Variants in HIP1 observed in about 807,000 individuals in gnomAD.
HIP1 encodes huntingtin interacting protein 1.
In HIP1, 65 loss-of-function variants were observed where a neutral mutation model predicts 147.6. The ratio of observed to expected loss-of-function variants is 0.44; its 90% CI spans 0.36 to 0.54. HIP1 has a LOEUF of 0.54. HIP1 is among the 20% of genes least tolerant of loss of function. HIP1 has a pLI of 0.00. For synonymous variants in HIP1, 479 were observed against 504.0 expected, an observed-to-expected ratio of 0.95 and a Z score of 0.67; for missense variants, 1,061 against 1,299.6, an observed-to-expected ratio of 0.82 and a Z score of 2.82.
At position 75,717,676 on chromosome 7, in the gene HIP1, CA is replaced by C. The variant is rs55982331; in HGVS notation, c.120+21124del. Among the ~76,000 whole-genome samples the C allele has an allele frequency of 8.3e-4, 98 of 117,548 alleles. 1 individual carries two copies. The highest frequency in any genetic ancestry group is 4.5e-3 in the Middle Eastern group (1 of 222). The allele number at this position is 117,548 out of a possible 152,430, so 77.1% of individuals were successfully genotyped here. The stretch of plus-strand genomic sequence containing the variant: ...GTGAAACCTGTCTCTACTAAAAATA[CA>C]AAAAAAAAAAAGACCAGGCGCGGTG... On this transcript the variant is annotated intron_variant, in intron 1 of 30. Transcript: ENST00000336926.
At position 75,568,680 on chromosome 7, in the gene HIP1, C is replaced by A. The variant is rs1294337777; in HGVS notation, c.746-424G>T. The stretch of plus-strand genomic sequence containing the variant: ...ATTAGTCTGGAAGAGATCCGCAGAA[C>A]CTGCCCAAGAGGATGGCTGTCAGAA... On this transcript the variant is annotated intron_variant, in intron 8 of 30. Transcript: ENST00000336926. This position sits in a 1 kb window ranked among gnomAD's most constrained non-coding sequence, Gnocchi z 4.1. Among the ~76,000 whole-genome samples, 1 of 152,162 alleles carries A rather than the reference C, an allele frequency of 6.6e-6. No individual in the cohort carries two copies. Among genetic ancestry groups the A allele is most frequent in the Non-Finnish European group, 1.5e-5 (1 of 68,030 alleles).
chr7:75,662,015 A>G (rs1554513692), intron 1 of HIP1, among the ~76,000 whole-genome samples: 1 of 139,802 alleles, frequency 7.2e-6, no homozygotes, highest in African/African-American at 2.6e-5. Flanking sequence ...ATGAGTGGAC[A>G]GGGTCTCTGA....
chr7:75,664,655 C>G (rs1799502127), intron 1 of HIP1, among the ~76,000 whole-genome samples: 1 of 151,492 alleles, frequency 6.6e-6, no homozygotes, highest in Admixed American at 6.6e-5. Flanking sequence ...CTCCATTGCT[C>G]CATTGCCCAG....
intron 1 of HIP1, among the ~76,000 whole-genome samples, chr7:75,726,794 C>T (rs1358933648): frequency 1.3e-5 from 2 of 150,420 alleles, no homozygotes; most frequent in East Asian, 2.0e-4. Flanking sequence ...CTGCAACCTC[C>T]GCCTCCCAAA....
chr7:75,732,131 G>A (rs1337448452), intron 1 of HIP1, among the ~76,000 whole-genome samples: 2 of 151,948 alleles, frequency 1.3e-5, no homozygotes, highest in South Asian at 2.1e-4. Context: ...CTGGCTTCTC[G>A]GTTCACTCGC....
intron 1 of HIP1, among the ~76,000 whole-genome samples, chr7:75,607,123 C>T (rs1797251636): frequency 6.6e-6 from 1 of 150,820 alleles, no homozygotes. Context: ...AATCCCAGTA[C>T]TTTGGGAGGC....
intron 1 of HIP1, among the ~76,000 whole-genome samples, chr7:75,686,335 A>AT (rs1262891602): frequency 1.3e-5 from 2 of 151,862 alleles, no homozygotes; most frequent in Non-Finnish European, 2.9e-5. Context: ...ATTCTCTCGT[A>AT]TTTTTTTTGA....
At chr7:75,645,133 A>G (rs1398800124) in intron 1 of HIP1, among the ~76,000 whole-genome samples, 3 of 152,182 alleles carry the variant, frequency 2.0e-5, no homozygotes, top group Admixed American at 6.6e-5. Flanking sequence ...ATAATAACAG[A>G]TAACATTGAT....
chr7:75,655,742 C>T (rs966384264), intron 1 of HIP1, among the ~76,000 whole-genome samples: 4 of 151,952 alleles, frequency 2.6e-5, no homozygotes, highest in African/African-American at 2.4e-5. Flanking sequence ...AGTTTCTGTT[C>T]GGGGTGATGA....
chr7:75,692,426 AT>A (rs71082339), intron 1 of HIP1, among the ~76,000 whole-genome samples: 34 of 145,760 alleles, frequency 2.3e-4, no homozygotes, highest in East Asian at 4.0e-4. Context: ...TACCTGGCTA[AT>A]TTTTTTTTTT....
At chr7:75,554,766 C>A (rs1343023827) in intron 19 of HIP1, among the ~76,000 whole-genome samples, 1 of 152,124 alleles carries the variant, frequency 6.6e-6, no homozygotes, top group Non-Finnish European at 1.5e-5. Flanking sequence ...GCTATCACAC[C>A]TGGGGGCTTT....
intron 1 of HIP1, among the ~76,000 whole-genome samples, chr7:75,618,821 A>G (rs999319066): frequency 2.6e-5 from 4 of 151,956 alleles, no homozygotes; most frequent in Admixed American, 6.6e-5. Context: ...CCAGCACTAG[A>G]AAACCTGATG....
chr7:75,646,421 C>T (rs1166475332), intron 1 of HIP1, among the ~76,000 whole-genome samples: 1 of 152,244 alleles, frequency 6.6e-6, no homozygotes, highest in African/African-American at 2.4e-5. Context: ...CTGTGCAGTG[C>T]TTTGCTGACC....
chr7:75,682,842 G>A (rs1289177422), intron 1 of HIP1, among the ~76,000 whole-genome samples: 3 of 152,142 alleles, frequency 2.0e-5, no homozygotes, highest in East Asian at 1.9e-4. Flanking sequence ...ACATTGCTGC[G>A]CTGGAGGGAC....
chr7:75,540,219 G>C (rs1554489594), intron 29 of HIP1, among the ~76,000 whole-genome samples: 1 of 152,030 alleles, frequency 6.6e-6, no homozygotes, highest in African/African-American at 2.4e-5. Context: ...CCTGGGGTCA[G>C]GAGTTAGAGA....
intron 1 of HIP1, among the ~76,000 whole-genome samples, chr7:75,624,407 G>A (rs1797959637): frequency 6.6e-6 from 1 of 152,174 alleles, no homozygotes; most frequent in Admixed American, 6.5e-5. Context: ...TGTCTTTGGG[G>A]TGAAGAAGAG....
chr7:75,715,812 G>T (rs1044833603), intron 1 of HIP1, among the ~76,000 whole-genome samples: 2 of 145,322 alleles, frequency 1.4e-5, no homozygotes, highest in Non-Finnish European at 3.0e-5. Flanking sequence ...TGTCTATCTG[G>T]CTCACAGTTC....
chr7:75,619,903 G>A (rs1365626400), intron 1 of HIP1, among the ~76,000 whole-genome samples: 1 of 152,128 alleles, frequency 6.6e-6, no homozygotes, highest in African/African-American at 2.4e-5. Context: ...TCTTCTAAAA[G>A]ATACCACCCC....
chr7:75,648,854 C>G (rs1798887288), intron 1 of HIP1, among the ~76,000 whole-genome samples: 2 of 152,008 alleles, frequency 1.3e-5, no homozygotes, highest in Admixed American at 1.3e-4. Context: ...GCCTGTAATC[C>G]CAGCACTTTA....
Sources: gnomAD v4.1 joint callset for allele counts (sites outside exome capture counted in the v4.1 genomes callset) on GRCh38, gnomAD v4.1.1 for gene constraint, Gnocchi (gnomAD v3.1) non-coding constraint, MANE v1.5 for transcripts, NCBI Gene and HGNC (gene_info 2026-07-23, HGNC 2026-07-21) for gene names.